The following ELMOD1 variants were observed in gnomAD, a reference collection of about 807,000 sequenced individuals.
ELMOD1 encodes the protein ELMO domain containing 1.
Under a neutral mutation model 46.7 loss-of-function variants are expected in ELMOD1, and 21 were observed. The ratio of observed to expected loss-of-function variants is 0.45; its 90% CI spans 0.32 to 0.65. The LOEUF is 0.65. Ranked by LOEUF, ELMOD1 falls within the 30% of genes least tolerant of loss-of-function variation. The probability of loss-of-function intolerance (pLI) is 0.04; values close to 1 mark genes in which losing one functional copy is unlikely to be tolerated. For synonymous variants in ELMOD1, 122 were observed against 138.2 expected (o/e 0.88, Z 0.82); for missense variants, 348 against 407.8 (o/e 0.85, Z 1.26).
intron 1 of ELMOD1, among the ~76,000 whole-genome samples, chr11:107,595,867 T>C (rs7949461): frequency 0.023 from 3,448 of 152,180 alleles, 132 homozygotes; most frequent in African/African-American, 0.077. Flanking sequence ...AAGGGATGAA[T>C]AACTTTATTC....
Position 107,655,995 on chromosome 11 carries a change from G to A in ELMOD1, c.761G>A (p.Gly254Glu). Residue 254 changes from glycine to glutamate, a missense_variant, in exon 11 of 12, where the codon GGA (glycine) becomes GAA (glutamate). Physicochemically the swap from Gly to Glu is moderately conservative, Grantham distance 98. Transcript: ENST00000265840. ...CTGGCATATAATCTACTGGTCAGCGGAGCTCTAAAAACCCATTTCTACAAT... is the reference window on the plus strand; with the variant it reads ...CTGGCATATAATCTACTGGTCAGCGAAGCTCTAAAAACCCATTTCTACAAT... ...TDLAYNLLVS[G>E]ALKTHFYNIA... is the part of the protein sequence containing the mutation. 6.3e-7 allele frequency: 1 copy of A among 1,586,074 alleles called. No homozygotes were observed. The highest frequency in any genetic ancestry group is 8.6e-7 in the Non-Finnish European group (1 of 1,164,222).
intron 1 of ELMOD1, among the ~76,000 whole-genome samples, chr11:107,604,068 C>T (rs1206877379): frequency 6.6e-6 from 1 of 151,062 alleles, no homozygotes; most frequent in Non-Finnish European, 1.5e-5. Context: ...TGGAGTAGAG[C>T]ATACGCTGCC....
Position 107,650,886 on chromosome 11 carries a change from G to T in ELMOD1, c.625G>T (p.Asp209Tyr). 1 of 1,111,914 alleles carries T rather than the reference G, an allele frequency of 9.0e-7. No individual in the cohort carries two copies. The highest frequency in any genetic ancestry group is 1.2e-6 in the Non-Finnish European group (1 of 815,970). 68.9% of individuals were successfully genotyped at this position (1,111,914 alleles called of 1,614,324 possible). ...ATTTTTTTCTTTGATTACATGAAGG[G>T]ATATCACTAAAGAAGAAATAAGGTA... ...LSDSLHPKCR[D>Y]ITKEEISKFS... The change falls in exon 9 of 12, where the codon GAT becomes TAT. Residue 209 changes from aspartate to tyrosine, a missense_variant and splice_region_variant. Asp to Tyr is a radical substitution (Grantham distance 160). Transcript: ENST00000265840.
intron 11 of ELMOD1, among the ~76,000 whole-genome samples, chr11:107,662,370 G>C (rs1450813382): frequency 6.6e-6 from 1 of 152,198 alleles, no homozygotes; most frequent in Non-Finnish European, 1.5e-5. Flanking sequence ...CAGCATTTTG[G>C]GAGGCTGAGG....
At chr11:107,599,737 T>G (rs1865558384) in intron 1 of ELMOD1, among the ~76,000 whole-genome samples, 1 of 22,972 alleles carries the variant, frequency 4.4e-5, no homozygotes, top group African/African-American at 5.4e-4. Context: ...GCGAGACCTG[T>G]CTCAAAAAAA....
chr11:107,657,449 C>G (rs1425707406), intron 11 of ELMOD1, among the ~76,000 whole-genome samples: 1 of 152,118 alleles, frequency 6.6e-6, no homozygotes, highest in Admixed American at 6.5e-5. Flanking sequence ...ATCGCTTGAG[C>G]CCAAGGAGGC....
intron 2 of ELMOD1, among the ~76,000 whole-genome samples, chr11:107,625,735 T>G (rs1866030351): frequency 6.6e-6 from 1 of 152,228 alleles, no homozygotes; most frequent in Non-Finnish European, 1.5e-5. Context: ...AGAGAATGAA[T>G]GTTAAATAAT....
In ELMOD1 at chr11:107,629,396, T is replaced by C. The variant is rs924143111; in HGVS notation, c.18-1021T>C. On this transcript the variant is annotated intron_variant, in intron 2 of 11. Coordinates refer to ENST00000265840, the MANE Select transcript of ELMOD1 (RefSeq NM_018712.4). ...TCCAGATGACAACAAAAGGAAGTAA[T>C]ATAAATAATTCTGCCTCCTGGGGAT... is the stretch of plus-strand genomic sequence containing the variant. Among the ~76,000 whole-genome samples, 10 of 152,318 alleles carry C rather than the reference T, an allele frequency of 6.6e-5. No individual in the cohort carries two copies. In the East Asian group the frequency reaches 1.5e-3, roughly 23 times the overall value.
Position 107,597,272 on chromosome 11 carries a change from T to A in ELMOD1, c.-86+5863T>A, listed in dbSNP as rs532344154. Among the ~76,000 whole-genome samples the A allele has an allele frequency of 1.1e-4, 17 of 152,330 alleles. 1 individual carries two copies. In the South Asian group the frequency reaches 3.5e-3, roughly 32 times the overall value. On this transcript the variant is annotated intron_variant, in intron 1 of 11. Coordinates refer to ENST00000265840, the MANE Select transcript of ELMOD1 (RefSeq NM_018712.4). The stretch of plus-strand genomic sequence containing the variant: ...TAAGATTATATTTTAAAAGGATGGA[T>A]GTGAAGTTCATTTAGGTTCTAAAAT...
At chr11:107,626,376 GAA>G (rs111962841) in intron 2 of ELMOD1, among the ~76,000 whole-genome samples, 22 of 66,864 alleles carry the variant, frequency 3.3e-4, no homozygotes, top group Non-Finnish European at 4.7e-4. Flanking sequence ...ATGCAGTCAT[GAA>G]AAAAAAAAAA....
intron 1 of ELMOD1, among the ~76,000 whole-genome samples, chr11:107,595,094 C>G (rs1229655814): frequency 6.6e-6 from 1 of 151,884 alleles, no homozygotes; most frequent in Non-Finnish European, 1.5e-5. Context: ...TTCCAATTTG[C>G]AGACTCCAGC....
At chr11:107,619,339 G>A (rs953911599) in intron 2 of ELMOD1, among the ~76,000 whole-genome samples, 2 of 152,182 alleles carry the variant, frequency 1.3e-5, no homozygotes, top group African/African-American at 4.8e-5. Context: ...TGAAAAATCA[G>A]GAGGACATTT....
chr11:107,620,086 AAGAG>A (rs1350982862), intron 2 of ELMOD1: 1 of 152,214 alleles, frequency 6.6e-6, no homozygotes, highest in Non-Finnish European at 1.5e-5. Context: ...ATTTGAACCA[AAGAG>A]AAGGTTATGT....
chr11:107,618,206 G>A lies in ELMOD1; in HGVS notation c.17G>A (p.Arg6Lys). The A allele has an allele frequency of 6.4e-7, 1 of 1,564,870 alleles. No homozygotes were observed. Among genetic ancestry groups the A allele is most frequent in the East Asian group, 2.4e-5 (1 of 42,292 alleles). MKHFL[R>K]MLIQVCLYFY... ...ACGGGCACCATGAAGCACTTCCTGA[G>A]GTATGTGTTTACGGTTCCCTGGCTG... The change falls in exon 2 of 12, where the codon AGA becomes AAA. Residue 6 changes from arginine (R) to lysine (K), a missense_variant and splice_region_variant. Arg to Lys is a conservative substitution (Grantham distance 26, BLOSUM62 2). Transcript: ENST00000265840.
intron 1 of ELMOD1, among the ~76,000 whole-genome samples, chr11:107,605,651 T>C (rs951132491): frequency 6.6e-6 from 1 of 152,236 alleles, no homozygotes; most frequent in African/African-American, 2.4e-5. Flanking sequence ...CTGAATTCTG[T>C]GGCTGGGATG....
At chr11:107,616,278 G>A (rs983486708) in intron 1 of ELMOD1, among the ~76,000 whole-genome samples, 3 of 151,956 alleles carry the variant, frequency 2.0e-5, no homozygotes, top group Admixed American at 6.6e-5. Context: ...TTACAGGTGT[G>A]AGCCACTGTG....
chr11:107,650,861 AT>A, intron 8 of ELMOD1, 23 bp from the exon 9 acceptor site: 9 of 1,100,402 alleles, frequency 8.2e-6, no homozygotes, highest in Non-Finnish European at 8.7e-6. Context: ...TACTTTTCTA[AT>A]TTTTTTCTTT....
intron 2 of ELMOD1, among the ~76,000 whole-genome samples, chr11:107,621,145 A>G (rs929874532): frequency 6.6e-6 from 1 of 152,226 alleles, no homozygotes; most frequent in African/African-American, 2.4e-5. Flanking sequence ...TTTGGAAATT[A>G]ATAAAGGAAA....
chr11:107,652,080 A>G (rs1232659391), intron 9 of ELMOD1, among the ~76,000 whole-genome samples: 1 of 152,266 alleles, frequency 6.6e-6, no homozygotes, highest in Non-Finnish European at 1.5e-5. Flanking sequence ...TTGAATCAAT[A>G]AAGTTCATGT....
Sources: allele counts gnomAD v4.1 joint callset (sites outside exome capture counted in the v4.1 genomes callset), GRCh38; gene constraint gnomAD v4.1.1; transcripts MANE v1.5; gene names NCBI Gene and HGNC (gene_info 2026-07-23, HGNC 2026-07-21).